The following DUSP19 variants were observed in gnomAD, a reference collection of about 807,000 sequenced individuals.
DUSP19 encodes dual specificity phosphatase 19, also known as dual specificity protein phosphatase 19.
DUSP19 carries 14 observed loss-of-function variants against 16.6 expected under a neutral mutation model. The ratio of observed to expected loss-of-function variants is 0.84; its 90% CI spans 0.56 to 1.32. DUSP19 has a LOEUF of 1.32. DUSP19 is among the 40% of genes most tolerant of loss of function. DUSP19 has a pLI of 0.00. For synonymous variants in DUSP19, 81 were observed against 90.5 expected, an observed-to-expected ratio of 0.90 and a Z score of 0.59; for missense variants, 258 against 255.9, an observed-to-expected ratio of 1.01 and a Z score of -0.06.
chr2:183,090,172 G>T (rs1201907189), intron 3 of DUSP19, among the ~76,000 whole-genome samples: 1 of 152,038 alleles, frequency 6.6e-6, no homozygotes, highest in African/African-American at 2.4e-5. Flanking sequence ...TTATATTCAA[G>T]TATTGTTAAA....
Position 183,079,148 on chromosome 2 carries a change from G to T in DUSP19, c.215G>T (p.Trp72Leu). The T allele has an allele frequency of 6.2e-7, 1 of 1,613,642 alleles. No homozygotes were observed. ...CTGCAAGTTGGCGTTATTAAGCCAT[G>T]GTTGCTCCTAGGTGAGTATATCGAC... ...SDLQVGVIKP[W>L]LLLGSQDAAH... Residue 72 changes from tryptophan to leucine, a missense_variant, in exon 1 of 4, where the codon TGG becomes TTG. By Grantham distance (61) the Trp-to-Leu change is moderately conservative (BLOSUM62 -2). Transcript: ENST00000354221.
chr2:183,084,274 T>G (rs1699632290), intron 2 of DUSP19, among the ~76,000 whole-genome samples: 1 of 152,006 alleles, frequency 6.6e-6, no homozygotes, highest in Non-Finnish European at 1.5e-5. Context: ...AGTATTTCTC[T>G]GAAGAGGCTA....
Position 183,095,604 on chromosome 2 carries a change from T to C in DUSP19, c.600T>C (p.Tyr200=). The C allele has an allele frequency of 6.2e-7, 1 of 1,614,044 alleles. No homozygotes were observed. Among genetic ancestry groups the C allele is most frequent in the Non-Finnish European group, 8.5e-7 (1 of 1,179,954 alleles). The change falls in exon 4 of 4, where the codon TAT becomes TAC. Residue 200 remains tyrosine, a synonymous_variant. Coordinates refer to ENST00000354221, the MANE Select transcript of DUSP19 (RefSeq NM_080876.4). Reference sequence around the variant, plus strand: ...GCTTCATGGAGCAGCTTCGTACATATCAAGAGGGCAAAGAAAGCAATAAGT... The same window carrying C: ...GCTTCATGGAGCAGCTTCGTACATACCAAGAGGGCAAAGAAAGCAATAAGT... The part of the protein sequence containing the change: ...NSGFMEQLRT[Y]QEGKESNKCD...
intron 1 of DUSP19, among the ~76,000 whole-genome samples, chr2:183,080,604 T>C (rs1699580688): frequency 6.6e-6 from 1 of 152,234 alleles, no homozygotes; most frequent in Non-Finnish European, 1.5e-5. Flanking sequence ...GGAATAATTA[T>C]GGTAGAATTT....
chr2:183,087,274 T>C (rs1699674799), intron 3 of DUSP19, 82 bp downstream of exon 3: 1 of 1,293,472 alleles, frequency 7.7e-7, no homozygotes, highest in Admixed American at 2.9e-5. Context: ...ATTATTTTTA[T>C]AATGAATCTC....
At chr2:183,089,566 G>A (rs1243880890) in intron 3 of DUSP19, among the ~76,000 whole-genome samples, 1 of 38,078 alleles carries the variant, frequency 2.6e-5, no homozygotes, top group South Asian at 2.1e-3. Flanking sequence ...TGTCTATACT[G>A]TGGACACCAT....
Position 183,095,587 on chromosome 2 carries a change from G to A in DUSP19, c.583G>A (p.Glu195Lys), listed in dbSNP as rs773333552. ...CATATGTCCAAATTCTGGCTTCATG[G>A]AGCAGCTTCGTACATATCAAGAGGG... The part of the protein sequence containing the change: ...PSICPNSGFM[E>K]QLRTYQEGKE... Residue 195 changes from glutamate to lysine, a missense_variant, in exon 4 of 4, where the codon GAG becomes AAG. Glu to Lys is a moderately conservative substitution (Grantham distance 56, BLOSUM62 1). Coordinates refer to ENST00000354221, the MANE Select transcript of DUSP19 (RefSeq NM_080876.4). The A allele has an allele frequency of 3.1e-6, 5 of 1,614,002 alleles. No homozygotes were observed. Among genetic ancestry groups the A allele is most frequent in the Non-Finnish European group, 4.2e-6 (5 of 1,179,976 alleles).
Position 183,095,841 on chromosome 2 carries a change from T to C in DUSP19, c.*183T>C. On this transcript the variant is annotated 3_prime_UTR_variant, in exon 4 of 4. Transcript: ENST00000354221. Reference sequence around the variant, plus strand: ...TAAGTAAATTTCAAATGTCATTACTTTCTCTTTGTTATTATAATGTGTGAT... The same window carrying C: ...TAAGTAAATTTCAAATGTCATTACTCTCTCTTTGTTATTATAATGTGTGAT... The C allele has an allele frequency of 4.7e-6, 2 of 426,836 alleles. No individual in the cohort carries two copies. The highest frequency in any genetic ancestry group is 8.3e-6 in the Non-Finnish European group (2 of 240,684). 26.4% of individuals were successfully genotyped at this position (426,836 alleles called of 1,614,324 possible). A position where few individuals can be genotyped will look rare whatever the true frequency, so the allele number is the denominator to read the frequency against.
chr2:183,088,408 T>G (rs200530024), intron 3 of DUSP19, among the ~76,000 whole-genome samples: 1 of 128,268 alleles, frequency 7.8e-6, no homozygotes, highest in Non-Finnish European at 1.6e-5. Flanking sequence ...TTTTTTTTTT[T>G]TGTTTTTTTT....
rs1699559953 is a variant in DUSP19 at position 183,079,170 on chromosome 2, C to G, written c.226+11C>G. ...CATGGTTGCTCCTAGGTGAGTATAT[C>G]GACTTGCCACTAGATCATTGAGTCC... is the stretch of plus-strand genomic sequence containing the variant. On this transcript the variant is annotated intron_variant, in intron 1 of 3. Coordinates refer to ENST00000354221, the MANE Select transcript of DUSP19 (RefSeq NM_080876.4). 4 of 1,608,054 alleles carry G rather than the reference C, an allele frequency of 2.5e-6. No homozygotes were observed. The highest frequency in any genetic ancestry group is 2.6e-6 in the Non-Finnish European group (3 of 1,176,234).
In DUSP19 at chr2:183,078,923, C is replaced by A. The variant is rs1053409085; in HGVS notation, c.-11C>A. On this transcript the variant is annotated 5_prime_UTR_variant, in exon 1 of 4. In the 5' UTR this introduces an upstream ATG that the reference lacks. Coordinates refer to ENST00000354221, the MANE Select transcript of DUSP19 (RefSeq NM_080876.4). ...ATTTGTTTGTATTTGTTCCCAGCCA[C>A]TGCTCATGTAATGTACTCCCTTAAC... 1.9e-6 allele frequency: 3 copies of A among 1,612,622 alleles called. No homozygotes were observed. The African/African-American group carries it at 4.0e-5, about 22-fold the overall frequency.
intron 2 of DUSP19, among the ~76,000 whole-genome samples, chr2:183,085,339 TAA>T (rs541709147): frequency 7.2e-4 from 109 of 152,242 alleles, no homozygotes; most frequent in African/African-American, 2.6e-3. Context: ...AAGGAGGATC[TAA>T]AAGAGGCCCA....
rs1267789728 is a variant in DUSP19 at position 183,096,651 on chromosome 2, C to T, written c.*993C>T. On this transcript the variant is annotated 3_prime_UTR_variant, in exon 4 of 4. Transcript: ENST00000354221. ...GTTCTTTGAACAGGTGATCTATTCT[C>T]TTACATTTTGTGCTTTTTATCTTGG... 6.6e-6 allele frequency: 1 copy of T among 150,492 alleles called. No individual in the cohort carries two copies. Among genetic ancestry groups the T allele is most frequent in the African/African-American group, 2.4e-5 (1 of 40,836 alleles). The allele number at this position is 150,492 out of a possible 1,614,324, so 9.3% of individuals were successfully genotyped here.
Position 183,078,835 on chromosome 2 carries a change from A to C in DUSP19, c.-99A>C, listed in dbSNP as rs535088771. On this transcript the variant is annotated 5_prime_UTR_variant, in exon 1 of 4. An upstream open reading frame in the 5' UTR loses its in-frame stop. Transcript: ENST00000354221. ...TTACCTGGATGGGCGAGCACCTCTG[A>C]GGCTGGCTTTGTTACCTGGGCAATA... The C allele has an allele frequency of 4.6e-5, 50 of 1,088,136 alleles. No homozygotes were observed. In the South Asian group the frequency reaches 6.6e-4, roughly 14 times the overall value. 67.4% of individuals were successfully genotyped at this position (1,088,136 alleles called of 1,614,324 possible).
Position 183,096,860 on chromosome 2 carries a change from CATT to C in DUSP19, c.*1203_*1205del, listed in dbSNP as rs1209947310. The C allele has an allele frequency of 1.3e-5, 2 of 152,444 alleles. No homozygotes were observed. The highest frequency in any genetic ancestry group is 3.9e-4 in the East Asian group (2 of 5,186). 9.4% of individuals were successfully genotyped at this position (152,444 alleles called of 1,614,324 possible). A position where few individuals can be genotyped will look rare whatever the true frequency, so the allele number is the denominator to read the frequency against. On this transcript the variant is annotated 3_prime_UTR_variant, in exon 4 of 4. Coordinates refer to ENST00000354221, the MANE Select transcript of DUSP19 (RefSeq NM_080876.4). Reference sequence around the variant, plus strand: ...AATATACTTTTAGGAGACCCACAATCATTTACAGTTTTATCTTTGGCCTTTGAA... The same window carrying C: ...AATATACTTTTAGGAGACCCACAATCTACAGTTTTATCTTTGGCCTTTGAA...
intron 2 of DUSP19, among the ~76,000 whole-genome samples, chr2:183,085,850 T>TTG (rs1699653268): frequency 2.7e-5 from 1 of 37,662 alleles, no homozygotes. Flanking sequence ...TTGTTAGGTT[T>TTG]TTTTTTTTTT....
chr2:183,098,034 G>A lies in DUSP19; in HGVS notation c.*2376G>A, dbSNP rs1392847520. 1 of 152,170 alleles carries A rather than the reference G, an allele frequency of 6.6e-6. No homozygotes were observed. The highest frequency in any genetic ancestry group is 1.5e-5 in the Non-Finnish European group (1 of 68,068). 9.4% of individuals were successfully genotyped at this position (152,170 alleles called of 1,614,324 possible). A position where few individuals can be genotyped will look rare whatever the true frequency, so the allele number is the denominator to read the frequency against. On this transcript the variant is annotated 3_prime_UTR_variant, in exon 4 of 4. Transcript: ENST00000354221. ...AGCCTCCCAAGTAGCTGGGATTATA[G>A]GCATGTGCCACCATGCCCAGCAAAT... is the stretch of plus-strand genomic sequence containing the variant.
At chr2:183,083,766 C>T (rs1575093123) in intron 2 of DUSP19, among the ~76,000 whole-genome samples, 2 of 152,292 alleles carry the variant, frequency 1.3e-5, no homozygotes, top group Middle Eastern at 6.8e-3. Flanking sequence ...TTCTTGATCT[C>T]CTTCATGTAC....
chr2:183,092,998 G>A (rs1699752370), intron 3 of DUSP19, among the ~76,000 whole-genome samples: 1 of 152,124 alleles, frequency 6.6e-6, no homozygotes, highest in South Asian at 2.1e-4. Context: ...CACTGTGCCT[G>A]GCCATGCCGA....
Sources: allele counts gnomAD v4.1 joint callset (sites outside exome capture counted in the v4.1 genomes callset), GRCh38; gene constraint gnomAD v4.1.1; transcripts MANE v1.5; gene names NCBI Gene and HGNC (gene_info 2026-07-23, HGNC 2026-07-21).